The following CFAP46 variants were observed in gnomAD, a reference collection of about 807,000 sequenced individuals.
The protein encoded by CFAP46 is cilia and flagella associated protein 46.
A neutral mutation model predicts 325.7 loss-of-function variants in CFAP46; 245 were observed. The ratio of observed to expected loss-of-function variants is 0.75; its 90% CI spans 0.68 to 0.84. CFAP46 has a LOEUF of 0.84. CFAP46 is among the 40% of genes least tolerant of loss of function. The pLI is 0.00. For missense variants in CFAP46, 3,346 were observed against 3,543.0 expected (o/e 0.94, Z 1.41); for synonymous variants, 1,523 against 1,495.9 (o/e 1.02, Z -0.42).
intron 44 of CFAP46, among the ~76,000 whole-genome samples, chr10:132,845,572 G>A (rs943107807): frequency 1.3e-5 from 2 of 152,216 alleles, no homozygotes; most frequent in African/African-American, 2.4e-5. Flanking sequence ...AAGAAATGTC[G>A]TCGTCTTTTT....
intron 4 of CFAP46, among the ~76,000 whole-genome samples, chr10:132,940,735 G>A (rs1381580855): frequency 1.3e-5 from 2 of 152,164 alleles, no homozygotes; most frequent in South Asian, 2.1e-4. Context: ...GTGCCACCAC[G>A]CCCGGCAGAA....
Position 132,926,803 on chromosome 10 carries a change from A to G in CFAP46, c.967-137T>C. ...ACAAGTCACACGATGACACAAAGAC[A>G]CCTATGACGCAGAGGTTTAAGTGAG... On this transcript the variant is annotated intron_variant, in intron 9 of 57. Coordinates refer to ENST00000368586, the MANE Select transcript of CFAP46 (RefSeq NM_001200049.3). The G allele has an allele frequency of 1.0e-5, 7 of 693,856 alleles. 1 individual carries two copies. The South Asian group carries it at 1.1e-4, about 11-fold the overall frequency. 43.0% of individuals were successfully genotyped at this position (693,856 alleles called of 1,614,324 possible). A position where few individuals can be genotyped will look rare whatever the true frequency, so the allele number is the denominator to read the frequency against.
intron 11 of CFAP46, among the ~76,000 whole-genome samples, chr10:132,924,046 C>T (rs989200821): frequency 1.3e-5 from 2 of 152,080 alleles, no homozygotes; most frequent in Admixed American, 6.5e-5. Flanking sequence ...CTGACGGCAA[C>T]GAAGAGGCTG....
intron 5 of CFAP46, among the ~76,000 whole-genome samples, 176 bp from the exon 6 acceptor site, chr10:132,937,851 G>A (rs1850033260): frequency 6.6e-6 from 1 of 152,220 alleles, no homozygotes; most frequent in Non-Finnish European, 1.5e-5. Flanking sequence ...GCCAGCAGGT[G>A]CCAGACAGCT....
chr10:132,821,988 TGC>T (rs1847852943), intron 50 of CFAP46, among the ~76,000 whole-genome samples: 1 of 135,512 alleles, frequency 7.4e-6, no homozygotes, highest in Non-Finnish European at 1.5e-5. Context: ...GTGCTGTGTG[TGC>T]GCTTGTGTGT....
rs1848974770 is a variant in CFAP46, at chr10:132,877,666, GCA to G, written c.4212+213_4212+214del. Among the ~76,000 whole-genome samples the G allele has an allele frequency of 6.6e-6, 1 of 152,022 alleles. No individual in the cohort carries two copies. Among genetic ancestry groups the G allele is most frequent in the Non-Finnish European group, 1.5e-5 (1 of 67,982 alleles). On this transcript the variant is annotated intron_variant, in intron 30 of 57. Coordinates refer to ENST00000368586, the MANE Select transcript of CFAP46 (RefSeq NM_001200049.3). The surrounding 1 kb of genome is among the most constrained non-coding windows in gnomAD (Gnocchi z 5.7). The stretch of plus-strand genomic sequence containing the variant: ...AACCCTGACAGGGAGAGAAACTGAG[GCA>G]CAGAGGCCAGCCGGGGCCCAGCCTC...
At position 132,920,263 on chromosome 10, in the gene CFAP46, C is replaced by T. The variant is rs922277570; in HGVS notation, c.1607-81G>A. On this transcript the variant is annotated intron_variant, in intron 13 of 57. Transcript: ENST00000368586. ...GTGCCCATCAGTAACCAATGCCCTG[C>T]GCCGGCGCCGGGGTGGCCACCCACA... 68 of 1,422,814 alleles carry T rather than the reference C, an allele frequency of 4.8e-5. No individual in the cohort carries two copies. In the East Asian group the frequency reaches 7.5e-4, roughly 16 times the overall value. 88.1% of individuals were successfully genotyped at this position (1,422,814 alleles called of 1,614,324 possible). A position where few individuals can be genotyped will look rare whatever the true frequency, so the allele number is the denominator to read the frequency against.
rs1848809598 is a variant in CFAP46 at position 132,866,125 on chromosome 10, G to A, written c.4790C>T (p.Ser1597Phe). The A allele has an allele frequency of 6.5e-7, 1 of 1,544,320 alleles. No individual in the cohort carries two copies. The highest frequency in any genetic ancestry group is 8.7e-7 in the Non-Finnish European group (1 of 1,143,910). Residue 1597 changes from serine to phenylalanine, a missense_variant, in exon 35 of 58, where the codon TCC becomes TTC. Ser to Phe is a radical substitution (Grantham distance 155). Transcript: ENST00000368586. ...GETGRDLDGT[S>F]FPHLWMLKAE... ...CTTCAGCATCCACAGGTGGGGAAAG[G>A]ACGTCCCATCCAGGTCCCTCCCGGT... is the stretch of plus-strand genomic sequence containing the variant.
chr10:132,837,819 A>G (rs1694624653), intron 44 of CFAP46, among the ~76,000 whole-genome samples: 1 of 149,482 alleles, frequency 6.7e-6, no homozygotes, highest in Admixed American at 6.7e-5. Flanking sequence ...ACGTACACAG[A>G]TGCACACACA....
At chr10:132,862,400 G>C (rs1848735224) in intron 35 of CFAP46, among the ~76,000 whole-genome samples, 1 of 150,524 alleles carries the variant, frequency 6.6e-6, no homozygotes, top group Non-Finnish European at 1.5e-5. Context: ...GCTTGGCCGG[G>C]GGTGAGGAGC....
intron 50 of CFAP46, among the ~76,000 whole-genome samples, chr10:132,816,328 CTT>C (rs1008391673): frequency 1.1e-3 from 128 of 118,834 alleles, no homozygotes; most frequent in African/African-American, 3.9e-3. Context: ...CTGACTTCTT[CTT>C]TTTTTTTTTT....
intron 29 of CFAP46, 88 bp downstream of exon 29, chr10:132,879,338 A>G: frequency 7.8e-7 from 1 of 1,278,186 alleles, no homozygotes; most frequent in Non-Finnish European, 1.0e-6. Flanking sequence ...AGACTCTGAC[A>G]TCTTTACAAC....
chr10:132,834,580 T>A (rs1848206112), intron 48 of CFAP46, 74 bp downstream of exon 48: 1 of 1,559,678 alleles, frequency 6.4e-7, no homozygotes, highest in South Asian at 1.2e-5. Flanking sequence ...GCACACGTGG[T>A]TGGCCACAGC....
rs2135590256 is a variant in CFAP46, at chr10:132,919,244, C to T, written c.1858+71G>A. 1 of 1,484,200 alleles carries T rather than the reference C, an allele frequency of 6.7e-7. No homozygotes were observed. Among genetic ancestry groups the T allele is most frequent in the Non-Finnish European group, 9.0e-7 (1 of 1,109,716 alleles). 91.9% of individuals were successfully genotyped at this position (1,484,200 alleles called of 1,614,324 possible). A position where few individuals can be genotyped will look rare whatever the true frequency, so the allele number is the denominator to read the frequency against. ...GCCCCATGGGTTGTCATTGCACGAA[C>T]CACAACCCTTCCCACACCCAGAGGG... is the stretch of plus-strand genomic sequence containing the variant. On this transcript the variant is annotated intron_variant, in intron 15 of 57. Transcript: ENST00000368586. This position sits in a 1 kb window ranked among gnomAD's most constrained non-coding sequence, Gnocchi z 9.7.
chr10:132,912,637 GCATCATGGAGGTGGTA>G lies in CFAP46; in HGVS notation c.2499+2_2499+17del. On this transcript the variant is annotated splice_donor_variant and splice_donor_5th_base_variant and intron_variant, in intron 19 of 57. Coordinates refer to ENST00000368586, the MANE Select transcript of CFAP46 (RefSeq NM_001200049.3). LOFTEE classifies it high-confidence loss of function. Reference sequence around the variant, plus strand: ...TCTCTCTCTCTCTCTCTCTCTCTCGGCATCATGGAGGTGGTACCTCCACCGCTGTTTTGATCTCGGA... The same window carrying G: ...TCTCTCTCTCTCTCTCTCTCTCTCGGCCTCCACCGCTGTTTTGATCTCGGA... The G allele has an allele frequency of 6.9e-7, 1 of 1,446,462 alleles. No individual in the cohort carries two copies. Among genetic ancestry groups the G allele is most frequent in the Non-Finnish European group, 9.2e-7 (1 of 1,083,182 alleles). The allele number at this position is 1,446,462 out of a possible 1,614,324, so 89.6% of individuals were successfully genotyped here. A position where few individuals can be genotyped will look rare whatever the true frequency, so the allele number is the denominator to read the frequency against.
Position 132,832,163 on chromosome 10 carries a change from C to T in CFAP46, c.7117+1195G>A, listed in dbSNP as rs555753673. Among the ~76,000 whole-genome samples the T allele has an allele frequency of 1.6e-4, 25 of 152,214 alleles. No individual in the cohort carries two copies. Among genetic ancestry groups the T allele is most frequent in the African/African-American group, 3.9e-4 (16 of 41,506 alleles). On this transcript the variant is annotated intron_variant, in intron 50 of 57. Coordinates refer to ENST00000368586, the MANE Select transcript of CFAP46 (RefSeq NM_001200049.3). This position sits in a 1 kb window ranked among gnomAD's most constrained non-coding sequence, Gnocchi z 4.1. ...TTTAAAGAGATTTTGAAAATAAAGG[C>T]GTTTTAAGTATTTATCCGTGTTTTC...
At position 132,833,525 on chromosome 10, in the gene CFAP46, C is replaced by T. The variant is rs773995942; in HGVS notation, c.6950G>A (p.Ser2317Asn). 4 of 1,613,096 alleles carry T rather than the reference C, an allele frequency of 2.5e-6. No individual in the cohort carries two copies. In the Middle Eastern group the frequency reaches 5.0e-4, roughly 200 times the overall value. The change falls in exon 50 of 58, where the codon AGC (serine) becomes AAC (asparagine). Residue 2317 changes from serine (S) to asparagine (N), a missense_variant and splice_region_variant. Coordinates refer to ENST00000368586, the MANE Select transcript of CFAP46 (RefSeq NM_001200049.3). ...KERKTSTGQH[S>N]TVQPEVADKI... ...ATCGGCAACCTCAGGCTGGACTGTG[C>T]CTGGGAAACAGCAGTGCAGGGAGAT...
intron 50 of CFAP46, among the ~76,000 whole-genome samples, chr10:132,816,328 C>CTTTTT (rs1008391673): frequency 9.3e-5 from 11 of 118,840 alleles, no homozygotes; most frequent in African/African-American, 1.3e-4. Flanking sequence ...CTGACTTCTT[C>CTTTTT]TTTTTTTTTT....
chr10:132,810,720 C>A (rs1554963089), intron 56 of CFAP46: 1 of 726,284 alleles, frequency 1.4e-6, no homozygotes, highest in South Asian at 1.5e-5. Context: ...AGCTGTGAGG[C>A]GCTGTGGGGA....
Sources: gnomAD v4.1 joint callset for allele counts (sites outside exome capture counted in the v4.1 genomes callset) on GRCh38, gnomAD v4.1.1 for gene constraint, Gnocchi (gnomAD v3.1) non-coding constraint, MANE v1.5 for transcripts, NCBI Gene and HGNC (gene_info 2026-07-23, HGNC 2026-07-21) for gene names.